PAK3: variants seen among roughly 807,000 people sequenced by gnomAD.
The protein encoded by PAK3 is serine/threonine-protein kinase PAK 3.
Under a neutral mutation model 41.0 loss-of-function variants are expected in PAK3, and 4 were observed. That is an observed-to-expected ratio of 0.10 (90% confidence interval 0.05 to 0.22). The LOEUF (loss-of-function observed/expected upper bound fraction) is 0.22, where lower values mean the gene tolerates loss of function less well. Ranked by LOEUF, PAK3 falls within the 10% of genes least tolerant of loss-of-function variation. PAK3 has a pLI of 1.00. For missense variants in PAK3, 205 were observed against 409.9 expected (o/e 0.50, Z 4.32); for synonymous variants, 146 against 139.6 (o/e 1.05, Z -0.32).
At chrX:111,149,181 T>C (rs2093991948) in intron 7 of PAK3, among the ~76,000 whole-genome samples, 1 of 111,717 alleles carries the variant, frequency 9.0e-6, no homozygotes, top group Non-Finnish European at 1.9e-5. Context: ...AGGTCTCACA[T>C]CTAGGTCACG....
At chrX:111,002,120 A>T (rs1428103296) in intron 1 of PAK3, among the ~76,000 whole-genome samples, 1 of 111,562 alleles carries the variant, frequency 9.0e-6, no homozygotes, top group African/African-American at 3.3e-5. Flanking sequence ...GGATGCCATT[A>T]CCCTCTTTTT....
intron 16 of PAK3, among the ~76,000 whole-genome samples, chrX:111,208,075 T>C (rs2094775055): frequency 7.1e-5 from 8 of 112,640 alleles, no homozygotes; most frequent in Admixed American, 6.6e-4. Context: ...GTTACAGGCG[T>C]GAGCCACCAC....
chrX:111,147,862 C>T lies in PAK3; in HGVS notation c.402C>T (p.Asn134=). ...ATGATTCCAAAGAAACAGTCAACAA[C>T]CAGAAATACATGAGCTTTACATCAG... is the stretch of plus-strand genomic sequence containing the variant. The part of the protein sequence containing the change: ...KFYDSKETVN[N]QKYMSFTSGD... Residue 134 remains asparagine, a synonymous_variant, in exon 7 of 18, where the codon AAC becomes AAT. Coordinates refer to ENST00000372007, the MANE Select transcript of PAK3 (RefSeq NM_002578.5). The T allele has an allele frequency of 8.4e-7, 1 of 1,192,152 alleles. No homozygotes were observed. Among genetic ancestry groups the T allele is most frequent in the Non-Finnish European group, 1.1e-6 (1 of 877,833 alleles).
At chrX:110,996,471 C>T (rs759720910) in intron 1 of PAK3, among the ~76,000 whole-genome samples, 1 of 111,840 alleles carries the variant, frequency 8.9e-6, no homozygotes, top group Non-Finnish European at 1.9e-5. Flanking sequence ...ATGGTTGTGT[C>T]TTCCCCACCA....
intron 1 of PAK3, among the ~76,000 whole-genome samples, chrX:110,954,696 A>C (rs1251138383): frequency 1.8e-5 from 2 of 111,874 alleles, no homozygotes; most frequent in Non-Finnish European, 3.8e-5. Context: ...ATTGTGTGTC[A>C]TTGTAGGGGT....
chrX:110,984,086 C>G (rs908424165), intron 1 of PAK3, among the ~76,000 whole-genome samples: 1 of 111,950 alleles, frequency 8.9e-6, no homozygotes, highest in African/African-American at 3.3e-5. Flanking sequence ...TACTTGCTTC[C>G]GCTCTTACTG....
intron 7 of PAK3, among the ~76,000 whole-genome samples, chrX:111,151,492 G>A (rs1054361523): frequency 4.5e-5 from 5 of 111,563 alleles, no homozygotes; most frequent in African/African-American, 9.8e-5. Context: ...GATGAAGATA[G>A]CACAGGAAGG....
chrX:110,999,675 T>TAAAAAAA (rs777940539), intron 1 of PAK3, among the ~76,000 whole-genome samples: 1 of 68,181 alleles, frequency 1.5e-5, no homozygotes. Flanking sequence ...TTTATAAAAG[T>TAAAAAAA]AAAAAAAAAA....
chrX:111,061,741 T>G (rs2092657620), intron 1 of PAK3, among the ~76,000 whole-genome samples: 1 of 112,059 alleles, frequency 8.9e-6, no homozygotes, highest in Admixed American at 9.5e-5. Context: ...TTTGCTTTTC[T>G]ATTACATTTT....
At chrX:111,051,527 G>A (rs974528680) in intron 1 of PAK3, among the ~76,000 whole-genome samples, 1 of 111,482 alleles carries the variant, frequency 9.0e-6, no homozygotes, top group African/African-American at 3.3e-5. Flanking sequence ...TGAACATTTC[G>A]AGATGTTTTT....
At chrX:111,014,801 C>A (rs1333159033) in intron 1 of PAK3, among the ~76,000 whole-genome samples, 1 of 111,365 alleles carries the variant, frequency 9.0e-6, no homozygotes, top group Non-Finnish European at 1.9e-5. Flanking sequence ...AAATATTTGC[C>A]GGCTTCCTTG....
intron 1 of PAK3, among the ~76,000 whole-genome samples, chrX:110,955,881 C>G (rs2090845915): frequency 9.0e-6 from 1 of 111,680 alleles, no homozygotes; most frequent in African/African-American, 3.3e-5. Context: ...CATGTTTTCC[C>G]TGGCAAAAGA....
chrX:111,101,662 C>A (rs2093141662), intron 3 of PAK3, among the ~76,000 whole-genome samples: 1 of 111,929 alleles, frequency 8.9e-6, no homozygotes, highest in Non-Finnish European at 1.9e-5. Flanking sequence ...TTGAGCCCCA[C>A]CCCTCTCTGG....
At chrX:111,061,895 G>C (rs934270265) in intron 1 of PAK3, among the ~76,000 whole-genome samples, 1 of 110,322 alleles carries the variant, frequency 9.1e-6, no homozygotes, top group Non-Finnish European at 1.9e-5. Context: ...GCTCACTGCA[G>C]CCTTGACCTC....
At chrX:110,965,855 C>T (rs1280288621) in intron 1 of PAK3, among the ~76,000 whole-genome samples, 1 of 111,933 alleles carries the variant, frequency 8.9e-6, no homozygotes, top group Non-Finnish European at 1.9e-5. Flanking sequence ...TGTATTATCC[C>T]CATTTTATAG....
intron 8 of PAK3, among the ~76,000 whole-genome samples, chrX:111,160,556 G>T (rs1032740119): frequency 9.2e-6 from 1 of 108,960 alleles, no homozygotes; most frequent in Non-Finnish European, 1.9e-5. Flanking sequence ...ATGTTGGTGT[G>T]CTGCACCCAT....
chrX:111,044,700 C>T (rs778017056), intron 1 of PAK3, among the ~76,000 whole-genome samples: 2 of 112,324 alleles, frequency 1.8e-5, no homozygotes, highest in Non-Finnish European at 3.8e-5. Context: ...TCAGGTGCAG[C>T]TTTAGAGAAG....
At chrX:111,029,827 G>A (rs1403632230) in intron 1 of PAK3, among the ~76,000 whole-genome samples, 1 of 111,995 alleles carries the variant, frequency 8.9e-6, no homozygotes, top group Non-Finnish European at 1.9e-5. Context: ...TGAAAAACAT[G>A]TAAGAACAAC....
chrX:111,068,618 T>C (rs187245962), intron 1 of PAK3, among the ~76,000 whole-genome samples: 1 of 112,902 alleles, frequency 8.9e-6, no homozygotes, highest in Non-Finnish European at 1.9e-5. Context: ...TCTATCTTAC[T>C]GTGCTGTTTT....
Sources: allele counts gnomAD v4.1 joint callset (sites outside exome capture counted in the v4.1 genomes callset), GRCh38; gene constraint gnomAD v4.1.1; transcripts MANE v1.5; gene names NCBI Gene and HGNC (gene_info 2026-07-23, HGNC 2026-07-21).